The following STK33 variants were observed in gnomAD, a reference collection of about 807,000 sequenced individuals.
STK33 encodes the protein serine/threonine kinase 33, also known as serine/threonine-protein kinase 33.
Under a neutral mutation model 58.0 loss-of-function variants are expected in STK33, and 52 were observed. That is an observed-to-expected ratio of 0.90 (90% confidence interval 0.72 to 1.13). STK33 has a LOEUF of 1.13. Ranked by LOEUF, STK33 falls within the 50% of genes most tolerant of loss-of-function variation. The pLI is 0.00. For synonymous variants in STK33, 215 were observed against 200.1 expected, an observed-to-expected ratio of 1.07 and a Z score of -0.63; for missense variants, 630 against 604.2, an observed-to-expected ratio of 1.04 and a Z score of -0.45.
At chr11:8,371,615 CTT>C in the STK33 span, among the ~76,000 whole-genome samples, 1 of 136,588 alleles carries the variant, frequency 7.3e-6, no homozygotes, top group African/African-American at 2.8e-5. Flanking sequence ...CTTTCTTTCT[CTT>C]TCTTTTCCTT....
Position 8,498,002 on chromosome 11 carries a change from G to C in STK33, c.-465-17388C>G, listed in dbSNP as rs541056412. On this transcript the variant is annotated intron_variant, in intron 1 of 15. Coordinates refer to ENST00000687296, the MANE Select transcript of STK33 (RefSeq NM_001352389.2). ...AACTGAATTCAGCAGCATATAAAAA[G>C]GATACACACTAAGACCAAGTGGAAC... is the stretch of plus-strand genomic sequence containing the variant. Among the ~76,000 whole-genome samples, 3 of 152,028 alleles carry C rather than the reference G, an allele frequency of 2.0e-5. No homozygotes were observed. In the South Asian group the frequency reaches 6.2e-4, roughly 32 times the overall value.
intron 1 of STK33, among the ~76,000 whole-genome samples, chr11:8,526,971 CTTT>C (rs34815448): frequency 4.7e-5 from 6 of 127,648 alleles, no homozygotes; most frequent in Admixed American, 1.6e-4. Context: ...GAGATTTCCT[CTTT>C]TTTTTTTTTT....
chr11:8,592,847 G>A (rs1422480641), intron 1 of STK33, among the ~76,000 whole-genome samples: 1 of 152,174 alleles, frequency 6.6e-6, no homozygotes, highest in Admixed American at 6.5e-5. Context: ...AATTTTAGTT[G>A]TGAAAATACT....
the STK33 span, among the ~76,000 whole-genome samples, chr11:8,373,010 C>T: frequency 4.7e-4 from 72 of 152,320 alleles, no homozygotes; most frequent in Admixed American, 1.9e-3. Flanking sequence ...TGGGCAGTTG[C>T]AGAGTCCACT....
At chr11:8,334,990 C>T in the STK33 span, among the ~76,000 whole-genome samples, 3 of 152,336 alleles carry the variant, frequency 2.0e-5, no homozygotes, top group Admixed American at 1.3e-4. Flanking sequence ...TCGCAGTACA[C>T]AGGCTGTAGA....
At chr11:8,518,830 G>A (rs753058357) in intron 1 of STK33, among the ~76,000 whole-genome samples, 10 of 152,178 alleles carry the variant, frequency 6.6e-5, no homozygotes, top group South Asian at 2.1e-4. Context: ...GGAGCACCCA[G>A]ATTCATAAAG....
intron 14 of STK33, among the ~76,000 whole-genome samples, chr11:8,426,708 T>C (rs897942990): frequency 6.6e-6 from 1 of 152,232 alleles, no homozygotes; most frequent in Non-Finnish European, 1.5e-5. Flanking sequence ...ATTTAGTTGA[T>C]TTTCACTCTT....
intron 15 of STK33, among the ~76,000 whole-genome samples, chr11:8,405,425 A>G (rs930028895): frequency 2.6e-5 from 4 of 152,200 alleles, no homozygotes; most frequent in African/African-American, 7.2e-5. Context: ...ATTTTAAAAC[A>G]TGGATTGCCT....
At chr11:8,384,114 T>C in the STK33 span, among the ~76,000 whole-genome samples, 2 of 152,210 alleles carry the variant, frequency 1.3e-5, no homozygotes, top group African/African-American at 4.8e-5. Flanking sequence ...ATAAAGAAAG[T>C]ATTTAGAATA....
intron 1 of STK33, among the ~76,000 whole-genome samples, chr11:8,569,800 T>C (rs1957679804): frequency 6.6e-6 from 1 of 151,638 alleles, no homozygotes; most frequent in African/African-American, 2.4e-5. Context: ...CTACAAAAAA[T>C]ACAAAAATTA....
intron 1 of STK33, among the ~76,000 whole-genome samples, chr11:8,560,496 C>T (rs1345775521): frequency 6.6e-6 from 1 of 151,870 alleles, no homozygotes; most frequent in Non-Finnish European, 1.5e-5. Flanking sequence ...AATTATTCTC[C>T]CCCACTTGGG....
the STK33 span, among the ~76,000 whole-genome samples, chr11:8,336,207 C>A: frequency 2.6e-5 from 4 of 152,232 alleles, no homozygotes; most frequent in Non-Finnish European, 5.9e-5. Context: ...CCACCTGGCC[C>A]GGGCCTCTTG....
At chr11:8,548,236 G>C (rs779369184) in intron 1 of STK33, among the ~76,000 whole-genome samples, 2 of 151,620 alleles carry the variant, frequency 1.3e-5, no homozygotes, top group African/African-American at 2.4e-5. Flanking sequence ...CAGTTTCATA[G>C]TTTCAAGTCT....
intron 11 of STK33, among the ~76,000 whole-genome samples, chr11:8,443,858 G>A (rs1945073575): frequency 6.6e-6 from 1 of 152,046 alleles, no homozygotes; most frequent in Non-Finnish European, 1.5e-5. Context: ...AAGTTATCTG[G>A]GAATGATGGC....
intron 14 of STK33, among the ~76,000 whole-genome samples, chr11:8,430,625 AGTT>A (rs1359144037): frequency 6.6e-6 from 1 of 152,186 alleles, no homozygotes; most frequent in African/African-American, 2.4e-5. Flanking sequence ...ATTTAGTAGT[AGTT>A]GTTGTAGTAC....
At chr11:8,473,648 T>A (rs892372117) in intron 5 of STK33, among the ~76,000 whole-genome samples, 1 of 152,196 alleles carries the variant, frequency 6.6e-6, no homozygotes, top group African/African-American at 2.4e-5. Context: ...AAGTAAATTA[T>A]TGGCCACTCA....
intron 4 of STK33, among the ~76,000 whole-genome samples, 169 bp downstream of exon 4, chr11:8,476,518 G>A (rs554614137): frequency 8.5e-5 from 13 of 152,144 alleles, no homozygotes; most frequent in African/African-American, 3.1e-4. Flanking sequence ...AATATGCCAA[G>A]TATACTCCCT....
intron 1 of STK33, among the ~76,000 whole-genome samples, chr11:8,577,225 A>C (rs1296749258): frequency 6.6e-6 from 1 of 152,198 alleles, no homozygotes; most frequent in East Asian, 1.9e-4. Context: ...AAAAAGCTAT[A>C]TTTCTGGATA....
intron 14 of STK33, among the ~76,000 whole-genome samples, chr11:8,430,402 G>C (rs1943273441): frequency 6.6e-6 from 1 of 151,832 alleles, no homozygotes; most frequent in African/African-American, 2.4e-5. Flanking sequence ...CTAAAGCAGG[G>C]GTTTCCAATC....
Sources: allele counts gnomAD v4.1 joint callset (sites outside exome capture counted in the v4.1 genomes callset), GRCh38; gene constraint gnomAD v4.1.1; transcripts MANE v1.5; gene names NCBI Gene and HGNC (gene_info 2026-07-23, HGNC 2026-07-21).